RGS7: variants seen among roughly 807,000 people sequenced by gnomAD.
RGS7 encodes regulator of G protein signaling 7.
RGS7 carries 27 observed loss-of-function variants against 81.1 expected under a neutral mutation model. The ratio of observed to expected loss-of-function variants is 0.33; its 90% confidence interval spans 0.25 to 0.46. The LOEUF (loss-of-function observed/expected upper bound fraction) is 0.46, where lower values mean the gene tolerates loss of function less well. Ranked by LOEUF, RGS7 falls within the 20% of genes least tolerant of loss-of-function variation. The pLI is 1.00. For synonymous variants in RGS7, 208 were observed against 207.7 expected (o/e 1.00, Z -0.01); for missense variants, 396 against 607.4 (o/e 0.65, Z 3.66).
At chr1:241,138,515 C>G (rs2067689240) in intron 2 of RGS7, among the ~76,000 whole-genome samples, 1 of 152,184 alleles carries the variant, frequency 6.6e-6, no homozygotes, top group Admixed American at 6.5e-5. Flanking sequence ...CCACTGCACA[C>G]ACGCCTGGCT....
chr1:241,108,305 A>C (rs77174412), intron 2 of RGS7, among the ~76,000 whole-genome samples: 1 of 140,282 alleles, frequency 7.1e-6, no homozygotes, highest in East Asian at 1.9e-4. Flanking sequence ...TCCGTCTCAA[A>C]AAAAAAAAAA....
At position 240,812,964 on chromosome 1, in the gene RGS7, C is replaced by A. The variant is rs1572207475; in HGVS notation, c.956+654G>T. Among the ~76,000 whole-genome samples the A allele has an allele frequency of 3.9e-5, 6 of 152,252 alleles. No homozygotes were observed. In the South Asian group the frequency reaches 1.2e-3, roughly 32 times the overall value. On this transcript the variant is annotated intron_variant, in intron 13 of 18. Transcript: ENST00000440928. ...CATGTCCAGTGTTTAAGATTCATGG[C>A]TGGATGCAAAAGTGAGAGAGACCAG...
At chr1:241,327,286 G>T (rs1456138105) in intron 2 of RGS7, among the ~76,000 whole-genome samples, 2 of 151,976 alleles carry the variant, frequency 1.3e-5, no homozygotes, top group African/African-American at 4.8e-5. Flanking sequence ...GAACCTCCTG[G>T]TGTTTAAGGA....
intron 2 of RGS7, among the ~76,000 whole-genome samples, chr1:241,243,663 T>A (rs2076373496): frequency 6.6e-6 from 1 of 152,150 alleles, no homozygotes; most frequent in Non-Finnish European, 1.5e-5. Context: ...TACAGAGGGA[T>A]AAAGGAAATT....
intron 2 of RGS7, among the ~76,000 whole-genome samples, chr1:241,314,510 T>C (rs754132442): frequency 2.6e-5 from 4 of 152,378 alleles, no homozygotes; most frequent in Admixed American, 1.3e-4. Flanking sequence ...AACTTTTATA[T>C]GCACTCAGAA....
chr1:241,216,599 C>T (rs4233483), intron 2 of RGS7, among the ~76,000 whole-genome samples: 45,734 of 152,074 alleles, frequency 0.3, 7,886 homozygotes, highest in East Asian at 0.59. Flanking sequence ...TCCCTATTCA[C>T]GCTATTGAAC....
At chr1:240,801,336 AAG>A (rs1175530105) in intron 17 of RGS7, 117 bp downstream of exon 17, 2 of 710,024 alleles carry the variant, frequency 2.8e-6, no homozygotes, top group African/African-American at 3.5e-5. Flanking sequence ...ATTTGAATAA[AAG>A]AAACACTTTT....
chr1:241,222,601 G>A (rs2075076245), intron 2 of RGS7, among the ~76,000 whole-genome samples: 1 of 152,046 alleles, frequency 6.6e-6, no homozygotes, highest in Admixed American at 6.6e-5. Flanking sequence ...AGTACCAAGA[G>A]GATACATGCA....
intron 9 of RGS7, among the ~76,000 whole-genome samples, chr1:240,843,222 GAAGA>G (rs1031996976): frequency 6.6e-6 from 1 of 151,772 alleles, no homozygotes; most frequent in Admixed American, 6.6e-5. Flanking sequence ...GAAAAAGAAA[GAAGA>G]AAGAAAGAAT....
intron 2 of RGS7, among the ~76,000 whole-genome samples, chr1:241,292,712 C>A (rs1227731101): frequency 6.6e-6 from 1 of 152,084 alleles, no homozygotes; most frequent in Admixed American, 6.5e-5. Context: ...CTACTATGGC[C>A]AAGCAGCCTA....
At chr1:240,950,192 T>G (rs1318377256) in intron 4 of RGS7, among the ~76,000 whole-genome samples, 4 of 152,172 alleles carry the variant, frequency 2.6e-5, no homozygotes, top group African/African-American at 9.7e-5. Flanking sequence ...GCTCATAGTG[T>G]TGGTGGGGAA....
intron 2 of RGS7, among the ~76,000 whole-genome samples, chr1:241,315,339 C>T (rs1211573485): frequency 6.6e-6 from 1 of 151,830 alleles, no homozygotes; most frequent in Admixed American, 6.6e-5. Context: ...CCCAGCCGTG[C>T]TCTCCTGTCA....
intron 14 of RGS7, among the ~76,000 whole-genome samples, chr1:240,809,590 C>T (rs999704226): frequency 2.0e-5 from 3 of 152,112 alleles, no homozygotes; most frequent in Admixed American, 6.6e-5. Flanking sequence ...CACACTTTCT[C>T]GGCTTAACCT....
At chr1:241,088,361 A>C (rs1246997240) in intron 3 of RGS7, among the ~76,000 whole-genome samples, 1 of 152,036 alleles carries the variant, frequency 6.6e-6, no homozygotes, top group Non-Finnish European at 1.5e-5. Flanking sequence ...CCATTTTGGC[A>C]TACTGATTAT....
At chr1:240,956,748 A>G (rs1489343403) in intron 4 of RGS7, among the ~76,000 whole-genome samples, 1 of 152,176 alleles carries the variant, frequency 6.6e-6, no homozygotes, top group Non-Finnish European at 1.5e-5. Flanking sequence ...TGAAAAAGGT[A>G]AAAAGAGATG....
intron 2 of RGS7, among the ~76,000 whole-genome samples, chr1:241,208,082 T>G (rs1472916684): frequency 2.0e-5 from 3 of 152,104 alleles, no homozygotes; most frequent in Admixed American, 2.0e-4. Flanking sequence ...ATTTTTGTAG[T>G]TTTAGTAGAG....
chr1:241,329,397 C>T (rs1352086970), intron 2 of RGS7, among the ~76,000 whole-genome samples: 1 of 152,138 alleles, frequency 6.6e-6, no homozygotes, highest in East Asian at 1.9e-4. Flanking sequence ...CAGTTGGTTG[C>T]TTACGGAGTT....
In RGS7 at chr1:240,808,357, A is replaced by C. The variant is rs147721293; in HGVS notation, c.1083-2031T>G. 9.6e-3 allele frequency among the ~76,000 whole-genome samples: 1,461 copies of C among 152,276 alleles called. 20 individuals are homozygous for C. Among genetic ancestry groups the C allele is most frequent in the African/African-American group, 0.034 (1,397 of 41,556 alleles). On this transcript the variant is annotated intron_variant, in intron 14 of 18. Coordinates refer to ENST00000440928, the MANE Select transcript of RGS7 (RefSeq NM_001364886.1). The stretch of plus-strand genomic sequence containing the variant: ...GCTATTCTAAATCCAGTGACATCTG[A>C]AATGGGCCTGGAAATAAGCATAAAA...
chr1:240,802,569 A>C (rs1427711409), intron 16 of RGS7, among the ~76,000 whole-genome samples: 1 of 152,138 alleles, frequency 6.6e-6, no homozygotes, highest in Admixed American at 6.6e-5. Context: ...CAAGTTTTTG[A>C]CCTAATGACT....
Sources: gnomAD v4.1 joint callset for allele counts (sites outside exome capture counted in the v4.1 genomes callset) on GRCh38, gnomAD v4.1.1 for gene constraint, MANE v1.5 for transcripts, NCBI Gene and HGNC (gene_info 2026-07-23, HGNC 2026-07-21) for gene names.